The following OPCML variants were observed in gnomAD, a reference collection of about 807,000 sequenced individuals.
The protein encoded by OPCML is opioid binding protein/cell adhesion molecule like, also known as opioid-binding protein/cell adhesion molecule.
OPCML carries 13 observed loss-of-function variants against 37.8 expected under a neutral mutation model. The ratio of observed to expected loss-of-function variants is 0.34; its 90% CI spans 0.22 to 0.55. The LOEUF (loss-of-function observed/expected upper bound fraction) is 0.55. Ranked by LOEUF, OPCML falls within the 20% of genes least tolerant of loss-of-function variation. OPCML has a pLI of 0.91. For missense variants in OPCML, 341 were observed against 435.6 expected (o/e 0.78, Z 1.93); for synonymous variants, 176 against 168.8 (o/e 1.04, Z -0.33).
Position 133,141,030 on chromosome 11 carries a change from C to CGAAGACGAAGAA in OPCML, c.62-198021_62-198020insTTCTTCGTCTTC, listed in dbSNP as rs1272996022. ...ACGACGACGACGACGACGACGACGA[C>CGAAGACGAAGAA]GACGACGACGACGACGACGAAGAAG... is the stretch of plus-strand genomic sequence containing the variant. On this transcript the variant is annotated intron_variant, in intron 1 of 7. Transcript: ENST00000524381. Among the ~76,000 whole-genome samples the CGAAGACGAAGAA allele has an allele frequency of 4.1e-4, 3 of 7,324 alleles. 1 individual carries two copies. Among genetic ancestry groups the CGAAGACGAAGAA allele is most frequent in the Non-Finnish European group, 9.8e-4 (2 of 2,032 alleles). 4.8% of individuals were successfully genotyped at this position (7,324 alleles called of 152,430 possible). A position where few individuals can be genotyped will look rare whatever the true frequency, so the allele number is the denominator to read the frequency against.
At chr11:133,246,246 C>T (rs181985483) in intron 1 of OPCML, among the ~76,000 whole-genome samples, 3 of 152,226 alleles carry the variant, frequency 2.0e-5, no homozygotes, top group Admixed American at 1.3e-4. Flanking sequence ...ATAATGGATG[C>T]CAAGTGTCTT....
At chr11:133,060,026 C>T (rs1416795964) in intron 1 of OPCML, among the ~76,000 whole-genome samples, 1 of 152,176 alleles carries the variant, frequency 6.6e-6, no homozygotes, top group East Asian at 1.9e-4. Context: ...GACAGGATTT[C>T]AAATTCTAGA....
Position 133,188,635 on chromosome 11 carries a change from G to A in OPCML, c.62-245625C>T, listed in dbSNP as rs576591775. On this transcript the variant is annotated intron_variant, in intron 1 of 7. Transcript: ENST00000524381. ...TTATTGTTTTAAAATGTGTTTGTAT[G>A]AAAACATTTGTTAAATGCAAAGAGT... 3.2e-3 allele frequency among the ~76,000 whole-genome samples: 481 copies of A among 152,308 alleles called. 1 individual carries two copies. Among genetic ancestry groups the A allele is most frequent in the Non-Finnish European group, 5.1e-3 (348 of 68,026 alleles).
At chr11:133,450,503 A>G (rs887243456) in intron 1 of OPCML, among the ~76,000 whole-genome samples, 1 of 151,626 alleles carries the variant, frequency 6.6e-6, no homozygotes, top group African/African-American at 2.4e-5. Flanking sequence ...CTGGGCAGGA[A>G]AACTCTTGGA....
chr11:132,562,890 G>GGCATTTCCAGTGA (rs2096413691), intron 3 of OPCML, among the ~76,000 whole-genome samples: 1 of 152,192 alleles, frequency 6.6e-6, no homozygotes. Flanking sequence ...GTACACTGAT[G>GGCATTTCCAGTGA]TATACACTGG....
intron 3 of OPCML, among the ~76,000 whole-genome samples, chr11:132,651,289 A>C (rs2135751269): frequency 6.6e-6 from 1 of 152,272 alleles, no homozygotes; most frequent in Non-Finnish European, 1.5e-5. Context: ...TGTAACTCGG[A>C]CAAATCACTT....
At chr11:133,299,812 G>T (rs886479419) in intron 1 of OPCML, 3 of 152,108 alleles carry the variant, frequency 2.0e-5, no homozygotes, top group Admixed American at 2.0e-4. Context: ...TGAAGAGCAG[G>T]TGAACGGGAA....
chr11:133,447,434 G>A (rs988307687), intron 1 of OPCML, among the ~76,000 whole-genome samples: 1 of 152,152 alleles, frequency 6.6e-6, no homozygotes, highest in African/African-American at 2.4e-5. Context: ...TATATTGTGT[G>A]ATGCTGAGGT....
intron 1 of OPCML, among the ~76,000 whole-genome samples, chr11:133,353,232 T>A (rs756577863): frequency 6.6e-6 from 1 of 151,594 alleles, no homozygotes; most frequent in Non-Finnish European, 1.5e-5. Flanking sequence ...AGTGGTGTGA[T>A]CTCGGCTCAC....
chr11:133,142,439 A>G (rs370881980), intron 1 of OPCML, among the ~76,000 whole-genome samples: 1 of 152,206 alleles, frequency 6.6e-6, no homozygotes, highest in African/African-American at 2.4e-5. Context: ...TGCTCAAGAC[A>G]TTGCACTGAT....
At chr11:133,164,065 G>A (rs530799204) in intron 1 of OPCML, among the ~76,000 whole-genome samples, 3 of 152,302 alleles carry the variant, frequency 2.0e-5, no homozygotes, top group Non-Finnish European at 4.4e-5. Context: ...AAAGGGCAGG[G>A]CTTTGAAGCC....
chr11:133,007,297 C>T, intron 1 of OPCML: 1 of 985,376 alleles, frequency 1.0e-6, no homozygotes, highest in East Asian at 1.1e-4. Context: ...TTGCAGGATA[C>T]AGCTCCATCT....
In OPCML at chr11:133,062,956, C is replaced by G. The variant is rs190649856; in HGVS notation, c.62-119946G>C. Among the ~76,000 whole-genome samples, 321 of 152,394 alleles carry G rather than the reference C, an allele frequency of 2.1e-3. 1 individual carries two copies. The highest frequency in any genetic ancestry group is 7.2e-3 in the African/African-American group (299 of 41,606). On this transcript the variant is annotated intron_variant, in intron 1 of 7. Coordinates refer to ENST00000524381, the MANE Select transcript of OPCML (RefSeq NM_001012393.5). The stretch of plus-strand genomic sequence containing the variant: ...TGATCTGAGGTACCTCTGCAAGACA[C>G]CACTGTCTGTAAAGACAGCCGCATC...
intron 1 of OPCML, among the ~76,000 whole-genome samples, chr11:133,242,219 A>G (rs761988914): frequency 4.6e-5 from 7 of 152,220 alleles, no homozygotes; most frequent in Non-Finnish European, 1.0e-4. Context: ...GAAGATTTAG[A>G]GAATGATACG....
chr11:132,600,384 C>T (rs960540854), intron 3 of OPCML, among the ~76,000 whole-genome samples: 4 of 152,148 alleles, frequency 2.6e-5, no homozygotes, highest in African/African-American at 4.8e-5. Context: ...GGCCTAAATA[C>T]GAAGGGACCA....
chr11:132,654,021 T>C (rs752379526), intron 3 of OPCML, among the ~76,000 whole-genome samples: 1 of 152,210 alleles, frequency 6.6e-6, no homozygotes, highest in Non-Finnish European at 1.5e-5. Flanking sequence ...ATAAATTTTC[T>C]TTAAGAGGAT....
chr11:133,501,121 G>A (rs1947902944), intron 1 of OPCML, among the ~76,000 whole-genome samples: 2 of 152,168 alleles, frequency 1.3e-5, no homozygotes, highest in Admixed American at 6.5e-5. Context: ...CACCCACACT[G>A]TGCAGTGTTG....
At chr11:133,416,376 T>A (rs749387675) in intron 1 of OPCML, among the ~76,000 whole-genome samples, 5 of 152,186 alleles carry the variant, frequency 3.3e-5, no homozygotes, top group Admixed American at 6.5e-5. Flanking sequence ...TTTTCTCAGT[T>A]ATCCAGTCCA....
intron 4 of OPCML, among the ~76,000 whole-genome samples, chr11:132,483,586 C>CA: frequency 6.6e-6 from 1 of 152,024 alleles, no homozygotes; most frequent in Non-Finnish European, 1.5e-5. Context: ...CATATGGAAC[C>CA]AAAAAAGAGC....
Sources: gnomAD v4.1 joint callset for allele counts (sites outside exome capture counted in the v4.1 genomes callset) on GRCh38, gnomAD v4.1.1 for gene constraint, MANE v1.5 for transcripts, NCBI Gene and HGNC (gene_info 2026-07-23, HGNC 2026-07-21) for gene names.